The following ASIC2 variants were observed in gnomAD, a reference collection of about 807,000 sequenced individuals.
ASIC2 encodes acid sensing ion channel subunit 2.
ASIC2 carries 25 observed loss-of-function variants against 57.3 expected under a neutral mutation model. The observed-to-expected ratio is 0.44, with a 90% CI of 0.32 to 0.61. The LOEUF (loss-of-function observed/expected upper bound fraction) is 0.61, where lower values mean the gene tolerates loss of function less well. Ranked by LOEUF, ASIC2 falls within the 20% of genes least tolerant of loss-of-function variation. The probability of loss-of-function intolerance (pLI) is 0.06; values close to 1 mark genes in which losing one functional copy is unlikely to be tolerated. For missense variants in ASIC2, 641 were observed against 738.1 expected, an observed-to-expected ratio of 0.87 and a Z score of 1.52; for synonymous variants, 319 against 307.5, an observed-to-expected ratio of 1.04 and a Z score of -0.39.
At chr17:33,875,084 G>A (rs985243510) in intron 1 of ASIC2, among the ~76,000 whole-genome samples, 9 of 152,198 alleles carry the variant, frequency 5.9e-5, no homozygotes, top group African/African-American at 2.2e-4. Flanking sequence ...GCCAAAGGGA[G>A]TCCAGGAATG....
intron 1 of ASIC2, among the ~76,000 whole-genome samples, chr17:33,266,647 C>A (rs1488471800): frequency 1.3e-5 from 2 of 150,240 alleles, no homozygotes; most frequent in East Asian, 4.0e-4. Context: ...ACCGTGGCTG[C>A]CCCCTTACAC....
At chr17:33,190,153 A>G (rs1173399344) in intron 1 of ASIC2, among the ~76,000 whole-genome samples, 2 of 152,242 alleles carry the variant, frequency 1.3e-5, no homozygotes, top group East Asian at 3.8e-4. Flanking sequence ...GAATTTATTT[A>G]AAAGTTACCA....
At chr17:33,197,832 A>G (rs1292277021) in intron 1 of ASIC2, among the ~76,000 whole-genome samples, 3 of 152,132 alleles carry the variant, frequency 2.0e-5, no homozygotes, top group African/African-American at 7.2e-5. Flanking sequence ...CTTTGTAGTC[A>G]TTATAAAGGT....
intron 1 of ASIC2, among the ~76,000 whole-genome samples, chr17:33,607,412 C>T (rs1386829272): frequency 6.6e-6 from 1 of 152,088 alleles, no homozygotes; most frequent in East Asian, 1.9e-4. Context: ...CCCCAGTGGC[C>T]CCCTCCCACA....
chr17:33,383,028 A>AAAACAAACAAACAAAC (rs60768735), intron 1 of ASIC2, among the ~76,000 whole-genome samples: 9,788 of 150,710 alleles, frequency 0.065, 389 homozygotes, highest in Non-Finnish European at 0.085. Context: ...GGGAATATAA[A>AAAACAAACAAACAAAC]AAACAAACAA....
chr17:33,834,490 T>G (rs926037204), intron 1 of ASIC2: 2 of 152,228 alleles, frequency 1.3e-5, no homozygotes, highest in Admixed American at 6.5e-5. Flanking sequence ...TCACGACAGA[T>G]ACCAGTTAAC....
chr17:33,042,871 T>C (rs1339520688), intron 3 of ASIC2, among the ~76,000 whole-genome samples: 1 of 152,146 alleles, frequency 6.6e-6, no homozygotes, highest in Admixed American at 6.6e-5. Context: ...AAACATTGCA[T>C]AGATGCATCA....
At chr17:34,154,190 G>A (rs144806363) in intron 1 of ASIC2, among the ~76,000 whole-genome samples, 3 of 152,310 alleles carry the variant, frequency 2.0e-5, no homozygotes, top group African/African-American at 4.8e-5. Flanking sequence ...CAAGCTGCAC[G>A]GTGCAGTGGT....
intron 1 of ASIC2, among the ~76,000 whole-genome samples, chr17:33,808,815 C>A (rs1180630413): frequency 1.3e-5 from 2 of 152,180 alleles, no homozygotes; most frequent in Non-Finnish European, 2.9e-5. Flanking sequence ...TGGTACATGA[C>A]AAATAGTCAG....
intron 1 of ASIC2, among the ~76,000 whole-genome samples, chr17:34,066,884 T>G (rs1909191897): frequency 6.6e-6 from 1 of 152,202 alleles, no homozygotes. Context: ...ACACAATGTC[T>G]TCAGCTCCTC....
chr17:34,145,841 T>C (rs8064367), intron 1 of ASIC2, among the ~76,000 whole-genome samples: 68,551 of 152,104 alleles, frequency 0.45, 15,918 homozygotes, highest in African/African-American at 0.57. Flanking sequence ...TCTACTTTAT[T>C]GATGGGCCCA....
At chr17:33,427,130 A>G (rs1328735617) in intron 1 of ASIC2, among the ~76,000 whole-genome samples, 3 of 152,222 alleles carry the variant, frequency 2.0e-5, no homozygotes, top group Admixed American at 2.0e-4. Context: ...GCATCAGCCC[A>G]TCGATCAGAA....
chr17:33,063,986 C>T (rs1283400648), intron 3 of ASIC2, among the ~76,000 whole-genome samples: 1 of 152,182 alleles, frequency 6.6e-6, no homozygotes, highest in Admixed American at 6.5e-5. Context: ...TCACGTAGTT[C>T]TCGTGCCATG....
intron 1 of ASIC2, among the ~76,000 whole-genome samples, chr17:33,633,459 GCTT>G (rs1484561150): frequency 6.6e-6 from 1 of 152,194 alleles, no homozygotes; most frequent in African/African-American, 2.4e-5. Flanking sequence ...CCTGCCACAA[GCTT>G]GGGTGCCCCA....
intron 1 of ASIC2, among the ~76,000 whole-genome samples, chr17:33,264,316 C>T (rs570743471): frequency 3.3e-4 from 51 of 152,366 alleles, no homozygotes; most frequent in African/African-American, 1.2e-3. Context: ...GAATCAAGCA[C>T]TCACTATGTG....
At chr17:33,091,762 G>A (rs2092158462) in intron 2 of ASIC2, among the ~76,000 whole-genome samples, 1 of 152,158 alleles carries the variant, frequency 6.6e-6, no homozygotes. Context: ...ACATGAGTGG[G>A]AGCAGGTGAT....
At chr17:34,152,214 G>A (rs1056969045) in intron 1 of ASIC2, among the ~76,000 whole-genome samples, 13 of 152,200 alleles carry the variant, frequency 8.5e-5, no homozygotes, top group African/African-American at 2.6e-4. Flanking sequence ...GTTAAGGAAA[G>A]AAAGAAATGT....
chr17:33,613,656 C>A lies in ASIC2; in HGVS notation c.556-501589G>T, dbSNP rs1007611832. ...TGCTGGGATTACAGGCGTGAGCCACCGCGCCTGGCCCACATGTATTCTCTT... is the reference window on the plus strand; with the variant it reads ...TGCTGGGATTACAGGCGTGAGCCACAGCGCCTGGCCCACATGTATTCTCTT... On this transcript the variant is annotated intron_variant, in intron 1 of 9. Coordinates refer to the ASIC2 transcript ENST00000359872. 2.0e-5 allele frequency among the ~76,000 whole-genome samples: 3 copies of A among 152,250 alleles called. No individual in the cohort carries two copies. In the East Asian group the frequency reaches 5.8e-4, roughly 29 times the overall value.
chr17:33,083,710 T>C (rs2092122973), intron 3 of ASIC2, among the ~76,000 whole-genome samples: 1 of 152,094 alleles, frequency 6.6e-6, no homozygotes, highest in Admixed American at 6.5e-5. Flanking sequence ...TGGTGGATGG[T>C]TCTGCATCAT....
Sources: gnomAD v4.1 joint callset for allele counts (sites outside exome capture counted in the v4.1 genomes callset) on GRCh38, gnomAD v4.1.1 for gene constraint, MANE v1.5 for transcripts, NCBI Gene and HGNC (gene_info 2026-07-23, HGNC 2026-07-21) for gene names.